The following EPB41L5 variants were observed in gnomAD, a reference collection of about 807,000 sequenced individuals.
EPB41L5 encodes erythrocyte membrane protein band 4.1 like 5.
EPB41L5 carries 55 observed loss-of-function variants against 106.6 expected under a neutral mutation model. That is an observed-to-expected ratio of 0.52 (90% confidence interval 0.42 to 0.65). The LOEUF is 0.65. Ranked by LOEUF, EPB41L5 falls within the 30% of genes least tolerant of loss-of-function variation. The probability of loss-of-function intolerance (pLI) is 0.00; values close to 1 mark genes in which losing one functional copy is unlikely to be tolerated. For synonymous variants in EPB41L5, 297 were observed against 306.7 expected, an observed-to-expected ratio of 0.97 and a Z score of 0.33; for missense variants, 871 against 882.1, an observed-to-expected ratio of 0.99 and a Z score of 0.16.
chr2:120,125,911 A>G (rs1233155171), intron 16 of EPB41L5, among the ~76,000 whole-genome samples: 1 of 152,064 alleles, frequency 6.6e-6, no homozygotes, highest in African/African-American at 2.4e-5. Flanking sequence ...GAAAGACTCT[A>G]TTCTGTGCCT....
intron 20 of EPB41L5, among the ~76,000 whole-genome samples, chr2:120,151,284 A>AGC (rs1315486836): frequency 6.6e-6 from 1 of 152,110 alleles, no homozygotes; most frequent in East Asian, 1.9e-4. Context: ...TGGGCGACGG[A>AGC]GCGAGACTCC....
intron 3 of EPB41L5, among the ~76,000 whole-genome samples, chr2:120,065,354 C>T (rs1299650281): frequency 1.3e-5 from 2 of 151,976 alleles, no homozygotes; most frequent in Admixed American, 1.3e-4. Context: ...CTCCTGGCCT[C>T]AAACGATGCC....
intron 1 of EPB41L5, among the ~76,000 whole-genome samples, chr2:120,018,550 A>G (rs1232313972): frequency 6.6e-6 from 1 of 152,168 alleles, no homozygotes; most frequent in Non-Finnish European, 1.5e-5. Flanking sequence ...AAAATTGTGT[A>G]TATTTATCAT....
At chr2:120,160,052 G>A (rs896208562) in intron 20 of EPB41L5, among the ~76,000 whole-genome samples, 2 of 152,176 alleles carry the variant, frequency 1.3e-5, no homozygotes, top group Non-Finnish European at 2.9e-5. Context: ...AAAACAGACA[G>A]TGGAGCCTGT....
intron 16 of EPB41L5, 116 bp downstream of exon 16, chr2:120,100,930 G>A (rs1031116124): frequency 5.9e-6 from 4 of 678,936 alleles, no homozygotes; most frequent in Non-Finnish European, 9.8e-6. Flanking sequence ...TCATATTTGT[G>A]AGCTGGAAAG....
intron 21 of EPB41L5, among the ~76,000 whole-genome samples, chr2:120,163,619 G>GTTTTTTTTTTTTTTTTTCTTT (rs1687242396): frequency 7.0e-6 from 1 of 141,878 alleles, no homozygotes. Context: ...TAAGTTCAAA[G>GTTTTTTTTTTTTTTTTTCTTT]TATGATATTA....
At chr2:120,158,677 A>C (rs920223173) in intron 20 of EPB41L5, among the ~76,000 whole-genome samples, 17 of 152,334 alleles carry the variant, frequency 1.1e-4, no homozygotes, top group African/African-American at 3.8e-4. Flanking sequence ...GAGAACTGGC[A>C]CAAGACAAGG....
intron 16 of EPB41L5, chr2:120,104,733 C>T: frequency 7.5e-6 from 7 of 930,120 alleles, no homozygotes; most frequent in Non-Finnish European, 9.0e-6. Context: ...TGACACATAC[C>T]TTAATTTAAG....
At chr2:120,023,911 G>C (rs1046794985) in intron 2 of EPB41L5, among the ~76,000 whole-genome samples, 3 of 152,184 alleles carry the variant, frequency 2.0e-5, no homozygotes, top group Non-Finnish European at 2.9e-5. Flanking sequence ...CTTGTGAGTT[G>C]TATTCCTAGG....
At chr2:120,167,396 T>C (rs1474309234) in intron 22 of EPB41L5, 70 bp from the exon 23 acceptor site, 1 of 1,264,530 alleles carries the variant, frequency 7.9e-7, no homozygotes, top group Admixed American at 1.7e-5. Context: ...TAGATGTAAG[T>C]AAGTATTATA....
At position 120,075,681 on chromosome 2, in the gene EPB41L5, A is replaced by G. The variant is rs751797128; in HGVS notation, c.453-20A>G. ...GGTTATGAAATCAACTTGTCTAACA[A>G]ACTTGTGTTTTGGTCTCAGATTAGA... On this transcript the variant is annotated intron_variant, in intron 6 of 24. Coordinates refer to ENST00000263713, the MANE Select transcript of EPB41L5 (RefSeq NM_020909.4). 24 of 1,608,260 alleles carry G rather than the reference A, an allele frequency of 1.5e-5. No individual in the cohort carries two copies. The Middle Eastern group carries it at 1.2e-3, about 77-fold the overall frequency.
intron 16 of EPB41L5, among the ~76,000 whole-genome samples, chr2:120,109,003 G>A (rs192033169): frequency 6.6e-6 from 1 of 152,298 alleles, no homozygotes; most frequent in East Asian, 1.9e-4. Flanking sequence ...TTGTTGCAGT[G>A]AAAGATTTCA....
chr2:120,146,206 T>G lies in EPB41L5; in HGVS notation c.1729-19T>G, dbSNP rs750497385. ...ATCCTCAATAAAGATTTACTTTTTT[T>G]AATATTTCATTTTCTTAGGTTACAA... On this transcript the variant is annotated intron_variant, in intron 19 of 24. Coordinates refer to ENST00000263713, the MANE Select transcript of EPB41L5 (RefSeq NM_020909.4). 2.0e-6 allele frequency: 3 copies of G among 1,476,408 alleles called. No individual in the cohort carries two copies. The highest frequency in any genetic ancestry group is 2.8e-6 in the Non-Finnish European group (3 of 1,061,616). 91.5% of individuals were successfully genotyped at this position (1,476,408 alleles called of 1,614,324 possible).
chr2:120,106,991 A>C (rs1388708025), intron 16 of EPB41L5: 2 of 869,098 alleles, frequency 2.3e-6, no homozygotes, highest in Admixed American at 1.2e-4. Flanking sequence ...GTATAATTCA[A>C]ATCATCTTTT....
At chr2:120,019,043 T>TC in intron 1 of EPB41L5, 34 bp from the exon 2 acceptor site, 1 of 1,555,774 alleles carries the variant, frequency 6.4e-7, no homozygotes. Context: ...CTCATTTTTT[T>TC]CCTGATGCCA....
chr2:120,080,028 T>C (rs1467091930), intron 10 of EPB41L5, among the ~76,000 whole-genome samples: 1 of 152,176 alleles, frequency 6.6e-6, no homozygotes, highest in Non-Finnish European at 1.5e-5. Flanking sequence ...TTTTTGTCTT[T>C]TATTCTTTCT....
chr2:120,121,628 CT>C (rs754515610), intron 16 of EPB41L5, among the ~76,000 whole-genome samples: 5 of 152,176 alleles, frequency 3.3e-5, no homozygotes, highest in Admixed American at 1.3e-4. Flanking sequence ...GGTTCCAAGT[CT>C]TTGCTATTGC....
At chr2:120,013,354 C>T (rs560182404) in intron 1 of EPB41L5, 144 bp downstream of exon 1, 1 of 152,210 alleles carries the variant, frequency 6.6e-6, no homozygotes, top group East Asian at 1.9e-4. Flanking sequence ...GGGCGGCCGG[C>T]CCCTCTCTCG....
chr2:120,028,974 CCT>C (rs1678523338), intron 2 of EPB41L5, among the ~76,000 whole-genome samples: 1 of 151,994 alleles, frequency 6.6e-6, no homozygotes, highest in Non-Finnish European at 1.5e-5. Context: ...TCTTACAGTC[CCT>C]TGCACATAGT....
Sources: gnomAD v4.1 joint callset for allele counts (sites outside exome capture counted in the v4.1 genomes callset) on GRCh38, gnomAD v4.1.1 for gene constraint, MANE v1.5 for transcripts, NCBI Gene and HGNC (gene_info 2026-07-23, HGNC 2026-07-21) for gene names.